Variants in IQCE observed in about 807,000 individuals in gnomAD.
IQCE encodes the protein IQ domain-containing protein E.
IQCE carries 115 observed loss-of-function variants against 96.0 expected under a neutral mutation model. The ratio of observed to expected loss-of-function variants is 1.20; its 90% CI spans 1.03 to 1.40. The LOEUF is 1.40. Among genes scored for constraint, IQCE ranks in the 40% most tolerant of loss-of-function variants. IQCE has a pLI of 0.00. For synonymous variants in IQCE, 412 were observed against 371.2 expected (o/e 1.11, Z -1.26); for missense variants, 1,041 against 909.1 (o/e 1.15, Z -1.87).
rs932145251 is a variant in IQCE, at chr7:2,590,105, G to C, written c.1243G>C (p.Asp415His). 1.2e-5 allele frequency: 19 copies of C among 1,610,112 alleles called. No individual in the cohort carries two copies. The highest frequency in any genetic ancestry group is 1.7e-5 in the Admixed American group (1 of 59,940). The change falls in exon 14 of 22, where the codon GAT becomes CAT. Residue 415 changes from aspartate to histidine, a missense_variant and splice_region_variant. Coordinates refer to ENST00000402050, the MANE Select transcript of IQCE (RefSeq NM_152558.5). Reference sequence around the variant, plus strand: ...GCTGCAGGAGCAGCTGCTGCAGAGAGAGTAGGTCCTCCCAAGGCCCCGCCA... The same window carrying C: ...GCTGCAGGAGCAGCTGCTGCAGAGACAGTAGGTCCTCCCAAGGCCCCGCCA... The part of the protein sequence containing the change: ...TALQEQLLQR[D>H]LEVKQLLQAK...
chr7:2,601,473 G>A lies in IQCE; in HGVS notation c.1632+9G>A, dbSNP rs1305518787. ...AGGCTGTTCTGGATGAGGTAAGCGA[G>A]GTTTATTTCTTGTTTCAAAATTCGG... On this transcript the variant is annotated intron_variant, in intron 18 of 21. Transcript: ENST00000402050. 1.9e-6 allele frequency: 3 copies of A among 1,581,202 alleles called. No individual in the cohort carries two copies. Among genetic ancestry groups the A allele is most frequent in the Admixed American group, 3.3e-5 (2 of 59,794 alleles).
In IQCE at chr7:2,567,156, T is replaced by A; in HGVS notation, c.77T>A (p.Val26Glu). 5.6e-6 allele frequency: 9 copies of A among 1,613,674 alleles called. No individual in the cohort carries two copies. The highest frequency in any genetic ancestry group is 7.6e-6 in the Non-Finnish European group (9 of 1,179,792). ...SLSAVTFDSD[V>E]ETKAKRKAFH... ...TCTGCAGTCACCTTTGACTCTGATGTGGAGACGGTGAGTGCCGCTGGGTGT... is the reference window on the plus strand; with the variant it reads ...TCTGCAGTCACCTTTGACTCTGATGAGGAGACGGTGAGTGCCGCTGGGTGT... The change falls in exon 2 of 22, where the codon GTG (valine) becomes GAG (glutamate). Residue 26 changes from valine (V) to glutamate (E), a missense_variant. Coordinates refer to ENST00000402050, the MANE Select transcript of IQCE (RefSeq NM_152558.5).
intron 18 of IQCE, among the ~76,000 whole-genome samples, chr7:2,603,803 C>T (rs1277056976): frequency 6.6e-6 from 1 of 151,980 alleles, no homozygotes; most frequent in Non-Finnish European, 1.5e-5. Flanking sequence ...GCTTTCTGTT[C>T]CAACAGCGGC....
intron 6 of IQCE, among the ~76,000 whole-genome samples, chr7:2,576,965 C>T (rs1583421386): frequency 6.6e-6 from 1 of 152,202 alleles, no homozygotes; most frequent in Admixed American, 6.5e-5. Flanking sequence ...TTCCGTGGGA[C>T]GGGGTTTCTC....
intron 16 of IQCE, among the ~76,000 whole-genome samples, chr7:2,595,716 C>T (rs994384543): frequency 5.3e-5 from 8 of 150,972 alleles, no homozygotes; most frequent in African/African-American, 1.2e-4. Context: ...TCACCATGGC[C>T]GGCGCTGCCT....
chr7:2,606,112 C>T (rs778932544), intron 20 of IQCE, 115 bp downstream of exon 20: 232 of 1,281,624 alleles, frequency 1.8e-4, no homozygotes, highest in Non-Finnish European at 2.1e-4. Flanking sequence ...CAGCGCCTGC[C>T]GCCTGCCAGC....
intron 2 of IQCE, among the ~76,000 whole-genome samples, chr7:2,568,246 CAATAT>C (rs1410838680): frequency 6.6e-6 from 1 of 152,194 alleles, no homozygotes; most frequent in East Asian, 1.9e-4. Context: ...ATTAAAAACA[CAATAT>C]AAAATTACCA....
At chr7:2,571,729 T>C in intron 4 of IQCE, 75 bp downstream of exon 4, 1 of 1,463,956 alleles carries the variant, frequency 6.8e-7, no homozygotes, top group Non-Finnish European at 9.3e-7. Flanking sequence ...TGGTTTGAGA[T>C]GGAGTTTTTA....
chr7:2,561,646 C>G (rs1562613469), intron 1 of IQCE, among the ~76,000 whole-genome samples: 1 of 152,054 alleles, frequency 6.6e-6, no homozygotes, highest in African/African-American at 2.4e-5. Flanking sequence ...TGGTCTCGAT[C>G]TCCTGACCTC....
At chr7:2,604,850 A>C in intron 18 of IQCE, 31 bp from the exon 19 acceptor site, 2 of 1,576,422 alleles carry the variant, frequency 1.3e-6, no homozygotes, top group Non-Finnish European at 8.7e-7. Context: ...ACTCACACCC[A>C]CTTTTCTCTC....
intron 13 of IQCE, 126 bp from the exon 14 acceptor site, chr7:2,589,781 C>T (rs1783434710): frequency 2.3e-6 from 2 of 886,076 alleles, no homozygotes; most frequent in Admixed American, 2.1e-5. Flanking sequence ...CTCGGGTCCC[C>T]TCAAAGCTTT....
intron 21 of IQCE, among the ~76,000 whole-genome samples, chr7:2,607,962 A>T (rs1784950134): frequency 6.6e-6 from 1 of 152,144 alleles, no homozygotes; most frequent in Non-Finnish European, 1.5e-5. Flanking sequence ...TCACGTGGGA[A>T]GTGTCAGGCG....
chr7:2,596,735 T>C (rs965879352), intron 16 of IQCE, among the ~76,000 whole-genome samples: 1 of 152,216 alleles, frequency 6.6e-6, no homozygotes, highest in Non-Finnish European at 1.5e-5. Context: ...TCCTTTCTGA[T>C]CACATTGGCA....
At chr7:2,604,827 C>A in intron 18 of IQCE, 54 bp from the exon 19 acceptor site, 1 of 1,339,884 alleles carries the variant, frequency 7.5e-7, no homozygotes. Flanking sequence ...TCTCGCCCGC[C>A]GTTGCCCCGG....
At chr7:2,601,788 G>A (rs535958933) in intron 18 of IQCE, 2 of 292,510 alleles carry the variant, frequency 6.8e-6, no homozygotes, top group African/African-American at 4.5e-5. Flanking sequence ...GACCTTAGGT[G>A]ATTTGCACAT....
rs764600309 is a variant in IQCE, at chr7:2,589,912, A to C, written c.1050A>C (p.Leu350=). 1.2e-6 allele frequency: 2 copies of C among 1,613,574 alleles called. No homozygotes were observed. Among genetic ancestry groups the C allele is most frequent in the Non-Finnish European group, 1.7e-6 (2 of 1,179,900 alleles). The change falls in exon 14 of 22, where the codon CTA becomes CTC. Residue 350 remains leucine, a synonymous_variant. Transcript: ENST00000402050. ...CATGTCTGTGTTGCCTCCAGAAACT[A>C]AGTGTGATGGAGAGCTCAAAATCAC... ...LRRIVELEKK[L]SVMESSKSHA...
chr7:2,580,835 T>C (rs912152746), intron 8 of IQCE, among the ~76,000 whole-genome samples: 7 of 152,008 alleles, frequency 4.6e-5, no homozygotes, highest in African/African-American at 1.7e-4. Flanking sequence ...CAGAACCAGG[T>C]GCTGAGGGGC....
Position 2,601,438 on chromosome 7 carries a change from C to G in IQCE, c.1609-3C>G, listed in dbSNP as rs1414128403. The stretch of plus-strand genomic sequence containing the variant: ...TATTTTTTCTTTCTTTTTTTTTTTC[C>G]AGAAAAAAAAGGCTGTTCTGGATGA... On this transcript the variant is annotated splice_polypyrimidine_tract_variant and splice_region_variant and intron_variant, in intron 17 of 21. Coordinates refer to ENST00000402050, the MANE Select transcript of IQCE (RefSeq NM_152558.5). The G allele has an allele frequency of 1.3e-6, 2 of 1,531,208 alleles. No homozygotes were observed. Among genetic ancestry groups the G allele is most frequent in the South Asian group, 1.2e-5 (1 of 83,790 alleles). 94.9% of individuals were successfully genotyped at this position (1,531,208 alleles called of 1,614,324 possible).
At chr7:2,575,506 C>A (rs541757658) in intron 6 of IQCE, among the ~76,000 whole-genome samples, 2 of 152,230 alleles carry the variant, frequency 1.3e-5, no homozygotes, top group South Asian at 4.1e-4. Flanking sequence ...ATGATGGTCC[C>A]GACTCTGCCC....
Sources: allele counts gnomAD v4.1 joint callset (sites outside exome capture counted in the v4.1 genomes callset), GRCh38; gene constraint gnomAD v4.1.1; transcripts MANE v1.5; gene names NCBI Gene and HGNC (gene_info 2026-07-23, HGNC 2026-07-21).